Variants in TNKS observed in about 807,000 individuals in gnomAD.
TNKS encodes poly [ADP-ribose] polymerase tankyrase-1.
A neutral mutation model predicts 135.8 loss-of-function variants in TNKS; 72 were observed. That is an observed-to-expected ratio of 0.53 (90% CI 0.44 to 0.64). TNKS has a LOEUF of 0.64. TNKS is among the 30% of genes least tolerant of loss of function. The probability of loss-of-function intolerance (pLI) is 0.00; values close to 1 mark genes in which losing one functional copy is unlikely to be tolerated. For missense variants in TNKS, 1,769 were observed against 1,674.0 expected, an observed-to-expected ratio of 1.06 and a Z score of -0.99; for synonymous variants, 849 against 649.3, an observed-to-expected ratio of 1.31 and a Z score of -4.68.
chr8:9,600,743 C>T (rs1447432045), intron 2 of TNKS, among the ~76,000 whole-genome samples: 3 of 152,084 alleles, frequency 2.0e-5, no homozygotes, highest in African/African-American at 7.2e-5. Context: ...ATGCTAGTCC[C>T]AGATGTTGAC....
chr8:9,705,452 A>G lies in TNKS; in HGVS notation c.1202+695A>G, dbSNP rs1056536691. 2.0e-5 allele frequency among the ~76,000 whole-genome samples: 3 copies of G among 152,334 alleles called. No homozygotes were observed. In the East Asian group the frequency reaches 5.8e-4, roughly 29 times the overall value. ...GTTACAGTCTTGTGACTGACAGCAT[A>G]AAGAAGAGATGCCCTAGAGGAGAGT... is the stretch of plus-strand genomic sequence containing the variant. On this transcript the variant is annotated intron_variant, in intron 6 of 26. Coordinates refer to ENST00000310430, the MANE Select transcript of TNKS (RefSeq NM_003747.3).
intron 3 of TNKS, among the ~76,000 whole-genome samples, chr8:9,661,865 C>T (rs1490643790): frequency 6.6e-6 from 1 of 152,110 alleles, no homozygotes; most frequent in African/African-American, 2.4e-5. Flanking sequence ...CCAGAATTTA[C>T]AAAGAACTCA....
chr8:9,725,486 AAGCC>A (rs1805119188), intron 12 of TNKS, among the ~76,000 whole-genome samples: 1 of 152,180 alleles, frequency 6.6e-6, no homozygotes, highest in African/African-American at 2.4e-5. Context: ...TATTCTGTAA[AAGCC>A]ACTCTCTCCT....
chr8:9,652,844 T>C (rs1478633921), intron 3 of TNKS, among the ~76,000 whole-genome samples: 1 of 152,196 alleles, frequency 6.6e-6, no homozygotes, highest in African/African-American at 2.4e-5. Flanking sequence ...AAGATAAATA[T>C]TATCTTCTCT....
At chr8:9,727,826 C>T (rs540740215) in intron 13 of TNKS, among the ~76,000 whole-genome samples, 127 of 152,238 alleles carry the variant, frequency 8.3e-4, no homozygotes, top group African/African-American at 2.9e-3. Flanking sequence ...ATCCAACTTA[C>T]GATAGCATCT....
intron 3 of TNKS, among the ~76,000 whole-genome samples, chr8:9,631,945 G>T (rs1400946038): frequency 6.6e-6 from 1 of 152,092 alleles, no homozygotes. Context: ...ATCTTCAAAA[G>T]TAATCAGATT....
chr8:9,740,755 C>G (rs1033003368), intron 17 of TNKS, among the ~76,000 whole-genome samples: 1 of 151,304 alleles, frequency 6.6e-6, no homozygotes, highest in South Asian at 2.1e-4. Flanking sequence ...ACAAATACTT[C>G]TACCAAAGAC....
At chr8:9,671,169 T>C (rs1196887159) in intron 3 of TNKS, 3 of 152,084 alleles carry the variant, frequency 2.0e-5, no homozygotes, top group Non-Finnish European at 4.4e-5. Context: ...TTTTCAGATT[T>C]CAAAAAAGAC....
At position 9,769,002 on chromosome 8, in the gene TNKS, T is replaced by G. The variant is rs190824348; in HGVS notation, c.3741-1104T>G. Among the ~76,000 whole-genome samples, 34 of 152,350 alleles carry G rather than the reference T, an allele frequency of 2.2e-4. No homozygotes were observed. The East Asian group carries it at 6.2e-3, about 28-fold the overall frequency. ...AAAAACAATTTGACTGAATTGTAAC[T>G]GTTTACATTTAACAGTGTGATCATT... On this transcript the variant is annotated intron_variant, in intron 25 of 26. Transcript: ENST00000310430.
intron 11 of TNKS, among the ~76,000 whole-genome samples, chr8:9,718,564 A>C (rs886464909): frequency 6.6e-6 from 1 of 152,128 alleles, no homozygotes; most frequent in Non-Finnish European, 1.5e-5. Flanking sequence ...GCCAAGTGTC[A>C]TTGTGATTTT....
At chr8:9,745,428 T>C (rs1038045320) in intron 17 of TNKS, among the ~76,000 whole-genome samples, 2 of 152,154 alleles carry the variant, frequency 1.3e-5, no homozygotes, top group African/African-American at 4.8e-5. Context: ...TGTTTTGAGA[T>C]GGAATCTCAC....
At chr8:9,742,633 A>G (rs968441710) in intron 17 of TNKS, among the ~76,000 whole-genome samples, 5 of 151,378 alleles carry the variant, frequency 3.3e-5, no homozygotes, top group Non-Finnish European at 7.4e-5. Flanking sequence ...TGAGACAGCA[A>G]CATGGTTTAA....
intron 1 of TNKS, among the ~76,000 whole-genome samples, chr8:9,578,694 A>C (rs1585189786): frequency 6.6e-6 from 1 of 152,174 alleles, no homozygotes; most frequent in East Asian, 1.9e-4. Context: ...CATATGCCCA[A>C]AATAAAGGAA....
At chr8:9,671,613 C>T (rs770329914) in intron 3 of TNKS, among the ~76,000 whole-genome samples, 2 of 152,164 alleles carry the variant, frequency 1.3e-5, no homozygotes, top group East Asian at 1.9e-4. Context: ...TTGGAGTAGG[C>T]GATTGATTTC....
chr8:9,635,549 C>T (rs1480447069), intron 3 of TNKS, among the ~76,000 whole-genome samples: 3 of 152,184 alleles, frequency 2.0e-5, no homozygotes, highest in Admixed American at 2.0e-4. Context: ...TGATTCTCAG[C>T]ATGATTGCTC....
chr8:9,694,710 C>T (rs989338748), intron 5 of TNKS, among the ~76,000 whole-genome samples: 1 of 149,928 alleles, frequency 6.7e-6, no homozygotes, highest in Non-Finnish European at 1.5e-5. Flanking sequence ...TGCAGTGAGC[C>T]GAGATCACCC....
chr8:9,585,386 G>A (rs11775432), intron 2 of TNKS, among the ~76,000 whole-genome samples: 1 of 151,878 alleles, frequency 6.6e-6, no homozygotes, highest in African/African-American at 2.4e-5. Flanking sequence ...GAAGAGATCA[G>A]TAATAATTAA....
At position 9,781,769 on chromosome 8, in the gene TNKS, G is replaced by C. The variant is rs1563234055; in HGVS notation, c.*5033G>C. On this transcript the variant is annotated 3_prime_UTR_variant, in exon 27 of 27. Transcript: ENST00000310430. ...TTTTCTCATTGTGATGTTGGTCTGT[G>C]TGAGCAACCAGTGTAGTGACTCTTT... 6.6e-6 allele frequency: 1 copy of C among 152,654 alleles called. No individual in the cohort carries two copies. Among genetic ancestry groups the C allele is most frequent in the Non-Finnish European group, 1.5e-5 (1 of 68,046 alleles). The allele number at this position is 152,654 out of a possible 1,614,324, so 9.5% of individuals were successfully genotyped here. A position where few individuals can be genotyped will look rare whatever the true frequency, so the allele number is the denominator to read the frequency against.
intron 5 of TNKS, among the ~76,000 whole-genome samples, chr8:9,701,173 G>A (rs928217596): frequency 6.6e-6 from 1 of 152,150 alleles, no homozygotes; most frequent in African/African-American, 2.4e-5. Flanking sequence ...TCCTGACTTC[G>A]TGATCCGCCC....
Sources: gnomAD v4.1 joint callset for allele counts (sites outside exome capture counted in the v4.1 genomes callset) on GRCh38, gnomAD v4.1.1 for gene constraint, MANE v1.5 for transcripts, NCBI Gene and HGNC (gene_info 2026-07-23, HGNC 2026-07-21) for gene names.